Variants in FREM1 observed in about 807,000 individuals in gnomAD.
FREM1 encodes the protein FRAS1 related extracellular matrix 1.
In FREM1, 220 loss-of-function variants were observed where a neutral mutation model predicts 210.1. That is an observed-to-expected ratio of 1.05 (90% CI 0.94 to 1.17). The LOEUF is 1.17. Among genes scored for constraint, FREM1 ranks in the 50% most tolerant of loss-of-function variants. The pLI, the probability that FREM1 is intolerant of heterozygous loss-of-function variation, is 0.00. For missense variants in FREM1, 3,454 were observed against 2,675.5 expected, an observed-to-expected ratio of 1.29 and a Z score of -6.42; for synonymous variants, 1,189 against 980.2, an observed-to-expected ratio of 1.21 and a Z score of -3.98.
intron 28 of FREM1, among the ~76,000 whole-genome samples, chr9:14,756,875 A>T (rs1283864703): frequency 6.6e-6 from 1 of 152,206 alleles, no homozygotes; most frequent in Admixed American, 6.5e-5. Flanking sequence ...AACCCATGTG[A>T]TGATCTGTCA....
At chr9:14,804,832 C>G in intron 19 of FREM1, 124 bp downstream of exon 19, 1 of 643,858 alleles carries the variant, frequency 1.6e-6, no homozygotes, top group Non-Finnish European at 2.7e-6. Flanking sequence ...CATTACATAA[C>G]ATAGCCTTCC....
At chr9:14,835,864 C>G (rs981919370) in intron 10 of FREM1, among the ~76,000 whole-genome samples, 7 of 152,210 alleles carry the variant, frequency 4.6e-5, no homozygotes, top group Non-Finnish European at 7.3e-5. Context: ...CAAAACTTAT[C>G]ATACATTTGT....
intron 13 of FREM1, among the ~76,000 whole-genome samples, chr9:14,821,622 G>A (rs1399007180): frequency 6.6e-6 from 1 of 152,212 alleles, no homozygotes; most frequent in Non-Finnish European, 1.5e-5. Context: ...AGGTGTCAAA[G>A]AATGGAGTTA....
intron 21 of FREM1, among the ~76,000 whole-genome samples, chr9:14,793,804 CA>C (rs1339824534): frequency 1.3e-5 from 2 of 152,284 alleles, no homozygotes; most frequent in East Asian, 3.9e-4. Context: ...GCGGAGATGC[CA>C]AAACCTGAAC....
Position 14,737,453 on chromosome 9 carries a change from T to G in FREM1, c.6483A>C (p.Gln2161His). Reference protein sequence around the residue: ...CVLVQRQGKWQTKDCRRAKPH... With the variant: ...CVLVQRQGKWHTKDCRRAKPH... ...GTTTGGCTCTCCTACAGTCTTTTGT[T>G]TGCCATTTCCCTTGTCTTTGAACCA... The change falls in exon 37 of 37, where the codon CAA (glutamine) becomes CAC (histidine). Residue 2161 changes from glutamine to histidine, a missense_variant. Gln to His is a conservative substitution (Grantham distance 24, BLOSUM62 0). Transcript: ENST00000380880. The G allele has an allele frequency of 6.2e-7, 1 of 1,613,908 alleles. No homozygotes were observed. The highest frequency in any genetic ancestry group is 8.5e-7 in the Non-Finnish European group (1 of 1,179,862).
intron 29 of FREM1, among the ~76,000 whole-genome samples, chr9:14,754,432 C>T (rs1393681737): frequency 2.0e-5 from 3 of 152,128 alleles, no homozygotes; most frequent in Non-Finnish European, 4.4e-5. Context: ...AGGAAGGAGG[C>T]CAAAAACAAA....
chr9:14,870,840 T>C (rs1051143740), intron 1 of FREM1, among the ~76,000 whole-genome samples: 1 of 137,064 alleles, frequency 7.3e-6, no homozygotes, highest in Non-Finnish European at 1.5e-5. Flanking sequence ...GAGTGTGATG[T>C]TCCCCTTCCT....
In FREM1 at chr9:14,769,880, A is replaced by C. The variant is rs1847214228; in HGVS notation, c.5060-12T>G. ...ATGGATAAATTCACCTAAAAAAAGAAATAAATGAATATCATGGGTAATCAA... is the reference window on the plus strand; with the variant it reads ...ATGGATAAATTCACCTAAAAAAAGACATAAATGAATATCATGGGTAATCAA... On this transcript the variant is annotated splice_polypyrimidine_tract_variant and intron_variant, in intron 26 of 36. Transcript: ENST00000380880. The C allele has an allele frequency of 3.8e-6, 5 of 1,305,826 alleles. No homozygotes were observed. Among genetic ancestry groups the C allele is most frequent in the Non-Finnish European group, 5.4e-6 (5 of 927,836 alleles). 80.9% of individuals were successfully genotyped at this position (1,305,826 alleles called of 1,614,324 possible).
intron 27 of FREM1, among the ~76,000 whole-genome samples, chr9:14,763,443 C>T (rs896645993): frequency 2.6e-5 from 4 of 152,020 alleles, no homozygotes; most frequent in African/African-American, 7.2e-5. Context: ...TGCAGTGAGC[C>T]GAGATCATGC....
chr9:14,747,837 A>G (rs1842739442), intron 31 of FREM1, 109 bp from the exon 32 acceptor site: 1 of 576,078 alleles, frequency 1.7e-6, no homozygotes, highest in Non-Finnish European at 3.0e-6. Flanking sequence ...ATTACAAAAC[A>G]TATGTAATCT....
At chr9:14,745,268 A>G (rs1842212260) in intron 35 of FREM1, among the ~76,000 whole-genome samples, 1 of 152,220 alleles carries the variant, frequency 6.6e-6, no homozygotes, top group African/African-American at 2.4e-5. Context: ...ACTTAAAATA[A>G]AAGTTTAAAA....
intron 16 of FREM1, among the ~76,000 whole-genome samples, chr9:14,809,607 C>A (rs755288609): frequency 1.3e-5 from 2 of 152,124 alleles, no homozygotes; most frequent in African/African-American, 4.8e-5. Flanking sequence ...GAGAAAGAGT[C>A]AAAAATAAGA....
chr9:14,870,638 T>A (rs1832477077), intron 1 of FREM1, among the ~76,000 whole-genome samples: 1 of 151,696 alleles, frequency 6.6e-6, no homozygotes, highest in Non-Finnish European at 1.5e-5. Context: ...ATATGGTTTC[T>A]TTTTTTTATT....
rs567593195 is a variant in FREM1 at position 14,874,577 on chromosome 9, G to C, written c.-267-5333C>G. Among the ~76,000 whole-genome samples the C allele has an allele frequency of 7.9e-5, 12 of 150,982 alleles. No individual in the cohort carries two copies. The South Asian group carries it at 2.5e-3, about 32-fold the overall frequency. Reference sequence around the variant, plus strand: ...TATGTGTGTCTCTGCACATGAGATGGGTTTCCTGAATACAGCACACTGATG... The same window carrying C: ...TATGTGTGTCTCTGCACATGAGATGCGTTTCCTGAATACAGCACACTGATG... On this transcript the variant is annotated intron_variant, in intron 1 of 36. Coordinates refer to ENST00000380880, the MANE Select transcript of FREM1 (RefSeq NM_001379081.2).
intron 26 of FREM1, 133 bp from the exon 27 acceptor site, chr9:14,770,001 T>G: frequency 1.9e-6 from 1 of 524,510 alleles, no homozygotes; most frequent in Non-Finnish European, 3.3e-6. Context: ...AACAAGAAAT[T>G]AACATTACTG....
intron 2 of FREM1, among the ~76,000 whole-genome samples, chr9:14,864,158 G>C (rs1009192031): frequency 2.0e-5 from 3 of 152,124 alleles, no homozygotes; most frequent in Non-Finnish European, 2.9e-5. Flanking sequence ...TTAGTTAAGG[G>C]ATGATTACGT....
chr9:14,810,686 A>G (rs1473508156), intron 16 of FREM1, among the ~76,000 whole-genome samples: 1 of 152,202 alleles, frequency 6.6e-6, no homozygotes, highest in Non-Finnish European at 1.5e-5. Context: ...ACTTTCTAAC[A>G]TTTAATATAT....
At chr9:14,793,111 A>C (rs1851713176) in intron 21 of FREM1, among the ~76,000 whole-genome samples, 1 of 152,262 alleles carries the variant, frequency 6.6e-6, no homozygotes, top group Non-Finnish European at 1.5e-5. Context: ...GGGAAGAGGT[A>C]ATTAGGCACT....
chr9:14,782,895 G>A (rs1262490236), intron 24 of FREM1, among the ~76,000 whole-genome samples: 2 of 152,184 alleles, frequency 1.3e-5, no homozygotes, highest in Non-Finnish European at 2.9e-5. Context: ...TGTGTAACCT[G>A]ATGATTGTCA....
Sources: gnomAD v4.1 joint callset for allele counts (sites outside exome capture counted in the v4.1 genomes callset) on GRCh38, gnomAD v4.1.1 for gene constraint, MANE v1.5 for transcripts, NCBI Gene and HGNC (gene_info 2026-07-23, HGNC 2026-07-21) for gene names.